The following PEX5L variants were observed in gnomAD, a reference collection of about 807,000 sequenced individuals.
PEX5L encodes PEX5-related protein.
Under a neutral mutation model 84.0 loss-of-function variants are expected in PEX5L, and 30 were observed. The ratio of observed to expected loss-of-function variants is 0.36; its 90% CI spans 0.27 to 0.48. PEX5L has a LOEUF of 0.48. PEX5L is among the 20% of genes least tolerant of loss of function. PEX5L has a pLI of 0.99. For missense variants in PEX5L, 533 were observed against 754.6 expected (o/e 0.71, Z 3.44); for synonymous variants, 270 against 283.1 (o/e 0.95, Z 0.46).
chr3:179,802,022 T>C lies in PEX5L; in HGVS notation c.1687A>G (p.Ser563Gly). ...AAACTGAGGGCAGTGAGAAAATTGC[T>C]GACCGCTTCTCTAAGAAGGTAGAAA... ...INLGAYREAVSNFLTALSLQR... is the reference protein window; with the variant it reads ...INLGAYREAVGNFLTALSLQR... The change falls in exon 15 of 15, where the codon AGC becomes GGC. Residue 563 changes from serine to glycine, a missense_variant. By Grantham distance (56) the Ser-to-Gly change is moderately conservative. Around this residue, in one of 8 missense-constraint regions of PEX5L, gnomAD observed 105 missense variants for 204.6 expected, o/e 0.51. Coordinates refer to ENST00000467460, the MANE Select transcript of PEX5L (RefSeq NM_016559.3). 6.2e-7 allele frequency: 1 copy of C among 1,610,918 alleles called. No individual in the cohort carries two copies. Among genetic ancestry groups the C allele is most frequent in the Non-Finnish European group, 8.5e-7 (1 of 1,177,242 alleles).
chr3:179,952,907 T>TAGACC (rs1779489484), intron 2 of PEX5L, among the ~76,000 whole-genome samples: 1 of 152,072 alleles, frequency 6.6e-6, no homozygotes, highest in African/African-American at 2.4e-5. Context: ...AACAGATATA[T>TAGACC]AGACCAATGG....
intron 14 of PEX5L, among the ~76,000 whole-genome samples, chr3:179,805,146 CTTTTTTTT>C (rs777171015): frequency 4.6e-5 from 4 of 86,464 alleles, no homozygotes; most frequent in African/African-American, 1.2e-4. Flanking sequence ...ACTCGATGGT[CTTTTTTTT>C]TTTTTTTTTT....
intron 1 of PEX5L, among the ~76,000 whole-genome samples, chr3:180,024,373 T>TATATATATATACATATATATATATATAC (rs1396023654): frequency 1.3e-5 from 1 of 79,026 alleles, no homozygotes; most frequent in Non-Finnish European, 2.3e-5. Flanking sequence ...TATATATATA[T>TATATATATATACATATATATATATATAC]ACACACACAA....
intron 2 of PEX5L, among the ~76,000 whole-genome samples, chr3:179,964,208 T>G (rs1782772779): frequency 6.6e-6 from 1 of 152,132 alleles, no homozygotes; most frequent in Non-Finnish European, 1.5e-5. Flanking sequence ...TTAATGTCCA[T>G]ATGTAATTGA....
rs762653158 is a variant in PEX5L at position 179,887,714 on chromosome 3, T to A, written c.269A>T (p.Lys90Ile). 10 of 1,613,898 alleles carry A rather than the reference T, an allele frequency of 6.2e-6. No homozygotes were observed. The highest frequency in any genetic ancestry group is 8.5e-6 in the Non-Finnish European group (10 of 1,179,818). ...PSIDDFLCET[K>I]SEAIARPVTS... ...TACTGGCCTTGCTATTGCTTCCGAT[T>A]TGGTTTCACAGAGAAAGTCATCGAT... is the stretch of plus-strand genomic sequence containing the variant. Residue 90 changes from lysine to isoleucine, a missense_variant, in exon 4 of 15, where the codon AAA becomes ATA. By Grantham distance (102) the Lys-to-Ile change is moderately radical. This residue lies in a region of PEX5L where 259 missense variants were observed against 301.7 expected (regional missense o/e 0.86). Transcript: ENST00000467460.
In PEX5L at chr3:180,036,698, G is replaced by T; in HGVS notation, c.-99C>A. On this transcript the variant is annotated 5_prime_UTR_variant, in exon 1 of 15. Transcript: ENST00000467460. ...AGGGGAAAAGGTGGGTGCACAGCGG[G>T]TTCTCAGAGGGTGCTCCTGAGCCCC... 2 of 1,371,648 alleles carry T rather than the reference G, an allele frequency of 1.5e-6. No individual in the cohort carries two copies. Among genetic ancestry groups the T allele is most frequent in the Non-Finnish European group, 1.0e-6 (1 of 959,536 alleles). 85.0% of individuals were successfully genotyped at this position (1,371,648 alleles called of 1,614,324 possible).
chr3:179,818,988 C>CCT (rs1727368569), intron 9 of PEX5L, among the ~76,000 whole-genome samples: 1 of 150,918 alleles, frequency 6.6e-6, no homozygotes, highest in African/African-American at 2.4e-5. Flanking sequence ...GGACTACAGG[C>CCT]GTAGTCCCCT....
Position 179,840,694 on chromosome 3 carries a change from C to A in PEX5L, c.822+18368G>T, listed in dbSNP as rs867649590. ...GGGGGATGATAGAGGTGGTTTGATTCCATTAGTTTGGAGGTCTTTCCAACA... is the reference window on the plus strand; with the variant it reads ...GGGGGATGATAGAGGTGGTTTGATTACATTAGTTTGGAGGTCTTTCCAACA... On this transcript the variant is annotated intron_variant, in intron 8 of 14. Transcript: ENST00000467460. Among the ~76,000 whole-genome samples, 10 of 152,134 alleles carry A rather than the reference C, an allele frequency of 6.6e-5. 1 individual carries two copies. The highest frequency in any genetic ancestry group is 3.4e-3 in the Middle Eastern group (1 of 294).
intron 2 of PEX5L, among the ~76,000 whole-genome samples, chr3:179,966,820 C>A (rs754670267): frequency 2.0e-5 from 3 of 152,142 alleles, no homozygotes; most frequent in Non-Finnish European, 2.9e-5. Flanking sequence ...GCTTCCTTTA[C>A]AAGGTGAAAA....
At chr3:179,963,733 G>T (rs1782645245) in intron 2 of PEX5L, among the ~76,000 whole-genome samples, 1 of 152,036 alleles carries the variant, frequency 6.6e-6, no homozygotes, top group African/African-American at 2.4e-5. Flanking sequence ...TTCCAACAAG[G>T]TGGCAATCCG....
chr3:179,987,724 C>T (rs1786986844), intron 1 of PEX5L, among the ~76,000 whole-genome samples: 1 of 152,164 alleles, frequency 6.6e-6, no homozygotes, highest in Non-Finnish European at 1.5e-5. Context: ...GGAGCAGAAC[C>T]CCAGCAGTGA....
chr3:179,973,320 T>G, intron 1 of PEX5L: 1 of 1,255,996 alleles, frequency 8.0e-7, no homozygotes, highest in Non-Finnish European at 1.0e-6. Context: ...ACCACAGATC[T>G]TGCCCAGGAA....
chr3:179,806,084 T>TTATA (rs777212190), intron 14 of PEX5L, among the ~76,000 whole-genome samples: 1 of 150,572 alleles, frequency 6.6e-6, no homozygotes, highest in Admixed American at 6.6e-5. Flanking sequence ...ATTATATGTT[T>TTATA]TATATATATA....
chr3:180,000,004 C>T (rs1442677854), intron 1 of PEX5L, among the ~76,000 whole-genome samples: 1 of 152,124 alleles, frequency 6.6e-6, no homozygotes, highest in African/African-American at 2.4e-5. Flanking sequence ...TACAGTTTTT[C>T]CCACAGCCAG....
chr3:179,990,550 C>A (rs1787283715), intron 1 of PEX5L, among the ~76,000 whole-genome samples: 2 of 152,110 alleles, frequency 1.3e-5, no homozygotes, highest in South Asian at 4.1e-4. Flanking sequence ...AAGTGCACAG[C>A]ACCACACCAA....
chr3:179,862,216 T>C (rs1449957918), intron 7 of PEX5L, among the ~76,000 whole-genome samples: 3 of 152,236 alleles, frequency 2.0e-5, no homozygotes, highest in Non-Finnish European at 4.4e-5. Context: ...ATTAGGTACA[T>C]GTGGTTGCAT....
At chr3:179,944,065 T>C (rs1381176214) in intron 2 of PEX5L, among the ~76,000 whole-genome samples, 1 of 149,746 alleles carries the variant, frequency 6.7e-6, no homozygotes, top group African/African-American at 2.5e-5. Context: ...ATTAGAACAA[T>C]TTATGAATTC....
In PEX5L at chr3:179,796,791, C is replaced by T. The variant is rs1006473152; in HGVS notation, c.*5037G>A. On this transcript the variant is annotated 3_prime_UTR_variant, in exon 15 of 15. Coordinates refer to ENST00000467460, the MANE Select transcript of PEX5L (RefSeq NM_016559.3). The stretch of plus-strand genomic sequence containing the variant: ...TGACCGTGAAATCACCTCATCACTC[C>T]CTAAATATCAGTGTTTTTAGACCTG... The T allele has an allele frequency of 2.6e-5, 4 of 152,074 alleles. No individual in the cohort carries two copies. Among genetic ancestry groups the T allele is most frequent in the African/African-American group, 7.2e-5 (3 of 41,408 alleles). The allele number at this position is 152,074 out of a possible 1,614,324, so 9.4% of individuals were successfully genotyped here.
chr3:179,865,759 C>T (rs551171010), intron 7 of PEX5L, among the ~76,000 whole-genome samples: 5 of 152,254 alleles, frequency 3.3e-5, no homozygotes, highest in Admixed American at 6.5e-5. Context: ...GCCCCACCTC[C>T]GGGGACTCCG....
Sources: gnomAD v4.1 joint callset for allele counts (sites outside exome capture counted in the v4.1 genomes callset) on GRCh38, gnomAD v4.1.1 for gene constraint, gnomAD v4.1.1 regional missense constraint, MANE v1.5 for transcripts, NCBI Gene and HGNC (gene_info 2026-07-23, HGNC 2026-07-21) for gene names.